CDH8: variants seen among roughly 807,000 people sequenced by gnomAD.
CDH8 encodes cadherin 8.
A neutral mutation model predicts 68.1 loss-of-function variants in CDH8; 17 were observed. That is an observed-to-expected ratio of 0.25 (90% CI 0.17 to 0.37). The LOEUF (loss-of-function observed/expected upper bound fraction) is 0.37. Among genes scored for constraint, CDH8 ranks in the 10% least tolerant of loss-of-function variants. The pLI, the probability that CDH8 is intolerant of heterozygous loss-of-function variation, is 1.00. For synonymous variants in CDH8, 372 were observed against 365.1 expected (o/e 1.02, Z -0.21); for missense variants, 763 against 999.3 (o/e 0.76, Z 3.19).
intron 8 of CDH8, among the ~76,000 whole-genome samples, chr16:61,733,307 G>A (rs1279933137): frequency 3.3e-5 from 5 of 151,714 alleles, no homozygotes; most frequent in African/African-American, 4.8e-5. Context: ...GTGTATGTTT[G>A]TATACAAATA....
At chr16:61,784,263 C>CA (rs1051497765) in intron 8 of CDH8, among the ~76,000 whole-genome samples, 12 of 151,096 alleles carry the variant, frequency 7.9e-5, no homozygotes, top group East Asian at 7.8e-4. Flanking sequence ...AAATGGAAAA[C>CA]AAAAAAAGGC....
chr16:61,894,681 T>C (rs1463124150), intron 3 of CDH8, among the ~76,000 whole-genome samples: 2 of 152,052 alleles, frequency 1.3e-5, no homozygotes, highest in African/African-American at 4.8e-5. Flanking sequence ...TGAGCATTCC[T>C]CCAAAAGAGG....
chr16:62,020,967 C>T (rs1459114099), intron 2 of CDH8, among the ~76,000 whole-genome samples, 185 bp downstream of exon 2: 1 of 152,186 alleles, frequency 6.6e-6, no homozygotes, highest in African/African-American at 2.4e-5. Flanking sequence ...GCTTTCCCTA[C>T]AAGACCATTT....
At chr16:61,722,325 G>A (rs963204240) in intron 9 of CDH8, among the ~76,000 whole-genome samples, 1 of 150,710 alleles carries the variant, frequency 6.6e-6, no homozygotes, top group Non-Finnish European at 1.5e-5. Context: ...ACTATATAAA[G>A]TAGATCCCTG....
At chr16:61,928,526 C>T (rs1264281756) in intron 2 of CDH8, among the ~76,000 whole-genome samples, 1 of 152,162 alleles carries the variant, frequency 6.6e-6, no homozygotes, top group Non-Finnish European at 1.5e-5. Flanking sequence ...TCACCTCCAA[C>T]TCTAAACCTG....
At chr16:61,862,419 A>G (rs1162559548) in intron 3 of CDH8, among the ~76,000 whole-genome samples, 1 of 152,186 alleles carries the variant, frequency 6.6e-6, no homozygotes, top group African/African-American at 2.4e-5. Context: ...AAGATGAACT[A>G]CTGGGCTGGG....
At chr16:61,751,336 A>G (rs1960152259) in intron 8 of CDH8, among the ~76,000 whole-genome samples, 1 of 143,388 alleles carries the variant, frequency 7.0e-6, no homozygotes, top group East Asian at 2.2e-4. Flanking sequence ...TACAAGGAAA[A>G]CTCTGAGGTT....
intron 2 of CDH8, among the ~76,000 whole-genome samples, chr16:61,982,421 G>A (rs1000164058): frequency 6.6e-6 from 1 of 151,888 alleles, no homozygotes; most frequent in African/African-American, 2.4e-5. Context: ...GGGTTTCACC[G>A]TGTTAGCCGG....
chr16:62,035,961 T>C (rs1410838403), intron 1 of CDH8, 119 bp downstream of exon 1: 1 of 152,352 alleles, frequency 6.6e-6, no homozygotes, highest in East Asian at 1.9e-4. Flanking sequence ...TCATCCACCA[T>C]CTGAGGGGCA....
At chr16:61,965,417 G>A (rs972293062) in intron 2 of CDH8, among the ~76,000 whole-genome samples, 15 of 152,158 alleles carry the variant, frequency 9.9e-5, no homozygotes, top group African/African-American at 2.2e-4. Flanking sequence ...AGGGCCAGGC[G>A]TGGGGCAGTT....
At chr16:61,681,998 A>C (rs1452336690) in intron 10 of CDH8, among the ~76,000 whole-genome samples, 1 of 151,958 alleles carries the variant, frequency 6.6e-6, no homozygotes, top group Non-Finnish European at 1.5e-5. Flanking sequence ...CTCTAAGTAC[A>C]GAAGGATAAG....
At chr16:61,947,105 CA>C (rs1964814418) in intron 2 of CDH8, among the ~76,000 whole-genome samples, 1 of 151,962 alleles carries the variant, frequency 6.6e-6, no homozygotes, top group South Asian at 2.1e-4. Context: ...CAAGACTGAT[CA>C]AAAAACAGTG....
intron 3 of CDH8, among the ~76,000 whole-genome samples, chr16:61,872,529 G>A (rs931991781): frequency 6.6e-6 from 1 of 152,190 alleles, no homozygotes; most frequent in Non-Finnish European, 1.5e-5. Flanking sequence ...TACTTTAAGT[G>A]GTTGTAGGGA....
intron 2 of CDH8, among the ~76,000 whole-genome samples, chr16:61,999,254 C>T (rs1412055213): frequency 6.6e-6 from 1 of 152,124 alleles, no homozygotes; most frequent in Non-Finnish European, 1.5e-5. Flanking sequence ...AATCTGAGCT[C>T]AGTGATGTTG....
chr16:61,937,024 C>T (rs2143514626), intron 2 of CDH8, among the ~76,000 whole-genome samples: 1 of 152,134 alleles, frequency 6.6e-6, no homozygotes, highest in African/African-American at 2.4e-5. Context: ...CAGTGGAATT[C>T]AGAAATTAGT....
chr16:61,650,933 C>T lies in CDH8; in HGVS notation c.*2675G>A, dbSNP rs1963308929. 6.6e-6 allele frequency: 1 copy of T among 151,990 alleles called. No homozygotes were observed. The highest frequency in any genetic ancestry group is 1.5e-5 in the Non-Finnish European group (1 of 68,012). 9.4% of individuals were successfully genotyped at this position (151,990 alleles called of 1,614,324 possible). On this transcript the variant is annotated 3_prime_UTR_variant, in exon 12 of 12. Transcript: ENST00000577390. ...GAGATGCAAGCTTTCATTCTGTGTT[C>T]CTAGGCAAAGAGAATACTTAGGCGA... is the stretch of plus-strand genomic sequence containing the variant.
At chr16:61,694,930 C>T (rs578189715) in intron 10 of CDH8, among the ~76,000 whole-genome samples, 50 of 151,910 alleles carry the variant, frequency 3.3e-4, no homozygotes, top group Non-Finnish European at 5.2e-4. Flanking sequence ...TACAGGCATG[C>T]GCCACCACGC....
chr16:61,886,819 C>T (rs1256804577), intron 3 of CDH8, among the ~76,000 whole-genome samples: 1 of 152,174 alleles, frequency 6.6e-6, no homozygotes, highest in Non-Finnish European at 1.5e-5. Flanking sequence ...CTGGCAAATA[C>T]CTGCGGTTGA....
At chr16:61,670,813 G>T (rs897317073) in intron 10 of CDH8, among the ~76,000 whole-genome samples, 2 of 151,870 alleles carry the variant, frequency 1.3e-5, no homozygotes, top group African/African-American at 4.8e-5. Flanking sequence ...GGTGACTAAA[G>T]GTGTGGACAA....
Sources: allele counts gnomAD v4.1 joint callset (sites outside exome capture counted in the v4.1 genomes callset), GRCh38; gene constraint gnomAD v4.1.1; transcripts MANE v1.5; gene names NCBI Gene and HGNC (gene_info 2026-07-23, HGNC 2026-07-21).